The following CLRN3 variants were observed in gnomAD, a reference collection of about 807,000 sequenced individuals.
The protein encoded by CLRN3 is clarin 3, also known as clarin-3.
In CLRN3, 12 loss-of-function variants were observed where a neutral mutation model predicts 16.7. The ratio of observed to expected loss-of-function variants is 0.72; its 90% CI spans 0.46 to 1.16. The LOEUF (loss-of-function observed/expected upper bound fraction) is 1.16. CLRN3 is among the 50% of genes most tolerant of loss of function. The pLI is 0.00. For missense variants in CLRN3, 296 were observed against 274.2 expected (o/e 1.08, Z -0.56); for synonymous variants, 118 against 113.0 (o/e 1.04, Z -0.28).
At chr10:127,888,922 C>A (rs989529701) in intron 1 of CLRN3, among the ~76,000 whole-genome samples, 1 of 152,128 alleles carries the variant, frequency 6.6e-6, no homozygotes, top group Non-Finnish European at 1.5e-5. Context: ...TTTTAAAAAA[C>A]GAGCAGGTCA....
intron 1 of CLRN3, among the ~76,000 whole-genome samples, chr10:127,886,368 G>C (rs1453597156): frequency 3.3e-5 from 5 of 152,248 alleles, no homozygotes; most frequent in African/African-American, 1.2e-4. Flanking sequence ...TGAAGGAGAT[G>C]TGGCCAGCAG....
intron 1 of CLRN3, among the ~76,000 whole-genome samples, chr10:127,884,824 C>G (rs771850512): frequency 2.6e-5 from 4 of 152,194 alleles, no homozygotes; most frequent in Non-Finnish European, 5.9e-5. Flanking sequence ...GTAAGCCCAG[C>G]CCAGCCACGG....
intron 1 of CLRN3, among the ~76,000 whole-genome samples, chr10:127,891,707 C>A (rs1045651212): frequency 3.3e-5 from 5 of 152,208 alleles, no homozygotes; most frequent in African/African-American, 1.2e-4. Flanking sequence ...ATGCATTACA[C>A]AAGGACTAAA....
Position 127,878,335 on chromosome 10 carries a change from G to A in CLRN3, c.495C>T (p.Tyr165=), listed in dbSNP as rs754323516. The change falls in exon 3 of 3, where the codon TAC becomes TAT. Residue 165 remains tyrosine (Y), a synonymous_variant. Transcript: ENST00000368671. Reference sequence around the variant, plus strand: ...TCGTTCCTTTACTGGTGGTTGCCGGGTAAAGCATTTGGAACAACTCTTCGG... The same window carrying A: ...TCGTTCCTTTACTGGTGGTTGCCGGATAAAGCATTTGGAACAACTCTTCGG... ...QLSEELFQML[Y]PATTSKGTTH... is the part of the protein sequence containing the mutation. The A allele has an allele frequency of 1.5e-5, 24 of 1,614,044 alleles. No individual in the cohort carries two copies. The highest frequency in any genetic ancestry group is 1.9e-5 in the Non-Finnish European group (23 of 1,180,034).
At chr10:127,881,855 C>A (rs979065068) in intron 2 of CLRN3, among the ~76,000 whole-genome samples, 5 of 152,198 alleles carry the variant, frequency 3.3e-5, no homozygotes, top group Non-Finnish European at 7.3e-5. Context: ...GGAGTCAACG[C>A]TGAGGATTTC....
intron 1 of CLRN3, among the ~76,000 whole-genome samples, chr10:127,891,458 G>A (rs1359521914): frequency 6.6e-6 from 1 of 152,236 alleles, no homozygotes; most frequent in Non-Finnish European, 1.5e-5. Flanking sequence ...TCTGAAAGTT[G>A]CTGTAAAGCC....
In CLRN3 at chr10:127,878,303, C is replaced by T. The variant is rs142398880; in HGVS notation, c.527G>A (p.Ser176Asn). Residue 176 changes from serine (S) to asparagine (N), a missense_variant, in exon 3 of 3, where the codon AGT (serine) becomes AAT (asparagine). Transcript: ENST00000368671. ...TATGAGCCAGAACGAGTATCCGTAA[C>T]TGTGGGTCGTTCCTTTACTGGTGGT... ...PATTSKGTTHSYGYSFWLILL... is the reference protein window; with the variant it reads ...PATTSKGTTHNYGYSFWLILL... The T allele has an allele frequency of 5.9e-5, 95 of 1,614,060 alleles. No individual in the cohort carries two copies. Among genetic ancestry groups the T allele is most frequent in the Non-Finnish European group, 7.4e-5 (87 of 1,180,048 alleles).
Position 127,886,897 on chromosome 10 carries a change from A to G in CLRN3, c.230-3022T>C, listed in dbSNP as rs886252599. 3.9e-5 allele frequency among the ~76,000 whole-genome samples: 6 copies of G among 152,306 alleles called. No individual in the cohort carries two copies. In the South Asian group the frequency reaches 1.2e-3, roughly 32 times the overall value. ...TAGTCTCTGGCTATGCATCCCAGGG[A>G]AGGGCTCTAGCGGGACCTGGGTCAC... is the stretch of plus-strand genomic sequence containing the variant. On this transcript the variant is annotated intron_variant, in intron 1 of 2. Transcript: ENST00000368671.
At chr10:127,878,776 C>T (rs1176182303) in intron 2 of CLRN3, among the ~76,000 whole-genome samples, 2 of 152,160 alleles carry the variant, frequency 1.3e-5, no homozygotes, top group African/African-American at 4.8e-5. Context: ...ATAAGGAGGT[C>T]TGGGAAGAGC....
chr10:127,886,119 A>G (rs1017978017), intron 1 of CLRN3, among the ~76,000 whole-genome samples: 16 of 152,078 alleles, frequency 1.1e-4, no homozygotes, highest in African/African-American at 3.4e-4. Flanking sequence ...CCAATTCCTA[A>G]GCTCGAGTGA....
intron 2 of CLRN3, among the ~76,000 whole-genome samples, chr10:127,879,514 G>GTAGCCT (rs1158666127): frequency 6.6e-6 from 1 of 151,944 alleles, no homozygotes; most frequent in Admixed American, 6.6e-5. Flanking sequence ...AACAAGTCAT[G>GTAGCCT]TAGCCTTTCT....
At chr10:127,879,506 C>T (rs527788615) in intron 2 of CLRN3, among the ~76,000 whole-genome samples, 1 of 151,826 alleles carries the variant, frequency 6.6e-6, no homozygotes, top group Non-Finnish European at 1.5e-5. Context: ...TGAACTTGAA[C>T]AAGTCATGTA....
chr10:127,883,680 T>C lies in CLRN3; in HGVS notation c.409+16A>G, dbSNP rs779105829. 1 of 1,590,682 alleles carries C rather than the reference T, an allele frequency of 6.3e-7. No homozygotes were observed. The highest frequency in any genetic ancestry group is 2.2e-5 in the East Asian group (1 of 44,738). On this transcript the variant is annotated intron_variant, in intron 2 of 2. Coordinates refer to ENST00000368671, the MANE Select transcript of CLRN3 (RefSeq NM_152311.5). ...GCAGTTTTCTGCAGAGCACCGAGTCTCACAGGGCCACTCACCACCGAGCCC... is the reference window on the plus strand; with the variant it reads ...GCAGTTTTCTGCAGAGCACCGAGTCCCACAGGGCCACTCACCACCGAGCCC...
intron 2 of CLRN3, among the ~76,000 whole-genome samples, chr10:127,880,425 G>A (rs1209858036): frequency 1.3e-5 from 2 of 152,128 alleles, no homozygotes; most frequent in Non-Finnish European, 2.9e-5. Context: ...GAAGCCCCGG[G>A]GTAGATGAGG....
At chr10:127,885,024 T>A (rs1244981877) in intron 1 of CLRN3, among the ~76,000 whole-genome samples, 2 of 152,200 alleles carry the variant, frequency 1.3e-5, no homozygotes, top group African/African-American at 4.8e-5. Flanking sequence ...TTGTTTCCGT[T>A]CTGGTTTCTC....
At chr10:127,891,897 CA>C (rs1845261519) in intron 1 of CLRN3, among the ~76,000 whole-genome samples, 2 of 152,082 alleles carry the variant, frequency 1.3e-5, no homozygotes, top group South Asian at 4.1e-4. Context: ...GGTAGGTTAT[CA>C]AACCTCAAAA....
Position 127,885,837 on chromosome 10 carries a change from C to T in CLRN3, c.230-1962G>A, listed in dbSNP as rs1845187767. Among the ~76,000 whole-genome samples the T allele has an allele frequency of 1.3e-5, 2 of 151,846 alleles. 1 individual carries two copies. Among genetic ancestry groups the T allele is most frequent in the Non-Finnish European group, 2.9e-5 (2 of 67,976 alleles). On this transcript the variant is annotated intron_variant, in intron 1 of 2. Transcript: ENST00000368671. ...ATGGTGCGATCTCGGCTCACCCCAA[C>T]CTCCGCCTCCCGGGTTCAAGCAATT...
At chr10:127,887,429 C>A (rs547903286) in intron 1 of CLRN3, among the ~76,000 whole-genome samples, 1 of 150,890 alleles carries the variant, frequency 6.6e-6, no homozygotes, top group African/African-American at 2.4e-5. Flanking sequence ...TTTGGGTATT[C>A]ACTGGTAAAT....
intron 2 of CLRN3, 120 bp downstream of exon 2, chr10:127,883,576 C>G: frequency 1.3e-6 from 1 of 754,558 alleles, no homozygotes. Context: ...ATGGGAGGTC[C>G]TCATAGTTTC....
Sources: gnomAD v4.1 joint callset for allele counts (sites outside exome capture counted in the v4.1 genomes callset) on GRCh38, gnomAD v4.1.1 for gene constraint, MANE v1.5 for transcripts, NCBI Gene and HGNC (gene_info 2026-07-23, HGNC 2026-07-21) for gene names.